Variants in NRG3 observed in about 807,000 individuals in gnomAD.
The protein encoded by NRG3 is pro-neuregulin-3, membrane-bound isoform.
A neutral mutation model predicts 66.9 loss-of-function variants in NRG3; 31 were observed. That is an observed-to-expected ratio of 0.46 (90% CI 0.35 to 0.63). NRG3 has a LOEUF of 0.63. NRG3 is among the 20% of genes least tolerant of loss of function. The pLI, the probability that NRG3 is intolerant of heterozygous loss-of-function variation, is 0.00. For missense variants in NRG3, 910 were observed against 878.9 expected (o/e 1.04, Z -0.45); for synonymous variants, 393 against 359.4 (o/e 1.09, Z -1.06).
At chr10:82,734,503 C>T (rs576135103) in intron 2 of NRG3, among the ~76,000 whole-genome samples, 2 of 152,176 alleles carry the variant, frequency 1.3e-5, no homozygotes, top group South Asian at 4.2e-4. Context: ...TGAGGCTTAT[C>T]AACCTGATAC....
intron 1 of NRG3, among the ~76,000 whole-genome samples, chr10:82,073,975 ACAAT>A (rs1052490085): frequency 2.0e-5 from 3 of 152,170 alleles, no homozygotes; most frequent in Non-Finnish European, 2.9e-5. Context: ...GCAAAACCAG[ACAAT>A]CAATAAGTAA....
chr10:82,180,422 C>T (rs1757192302), intron 1 of NRG3, among the ~76,000 whole-genome samples: 1 of 151,536 alleles, frequency 6.6e-6, no homozygotes. Flanking sequence ...TCCTTCTATT[C>T]CTAGTTTGTT....
chr10:82,916,404 C>T (rs746976766), intron 4 of NRG3, among the ~76,000 whole-genome samples: 3 of 152,072 alleles, frequency 2.0e-5, no homozygotes, highest in African/African-American at 4.8e-5. Context: ...GTGAGCCATA[C>T]TTTCATTACT....
chr10:82,113,727 C>T (rs547041359), intron 1 of NRG3, among the ~76,000 whole-genome samples: 2 of 152,142 alleles, frequency 1.3e-5, no homozygotes, highest in African/African-American at 4.8e-5. Context: ...GATAATTGCA[C>T]TAGGTAAGAT....
intron 1 of NRG3, among the ~76,000 whole-genome samples, chr10:82,152,405 C>T (rs2070823040): frequency 6.6e-6 from 1 of 152,140 alleles, no homozygotes; most frequent in Non-Finnish European, 1.5e-5. Context: ...GCCTTTGTAT[C>T]TCGAGGACCA....
rs113793133 is a variant in NRG3 at position 82,428,378 on chromosome 10, G to A, written c.953+69510G>A. On this transcript the variant is annotated intron_variant, in intron 2 of 8. Transcript: ENST00000372141. The stretch of plus-strand genomic sequence containing the variant: ...AGCTGAATTTCATAATTGTTGGTAC[G>A]TTGTTTTTTCTGTTAATTGATCTGA... Among the ~76,000 whole-genome samples the A allele has an allele frequency of 3.9e-3, 385 of 99,822 alleles. 3 individuals carry two copies. In the South Asian group the frequency reaches 0.04, roughly 10 times the overall value. 65.5% of individuals were successfully genotyped at this position (99,822 alleles called of 152,430 possible). A position where few individuals can be genotyped will look rare whatever the true frequency, so the allele number is the denominator to read the frequency against.
At chr10:82,144,798 C>T (rs2070122902) in intron 1 of NRG3, among the ~76,000 whole-genome samples, 1 of 152,142 alleles carries the variant, frequency 6.6e-6, no homozygotes, top group Non-Finnish European at 1.5e-5. Context: ...TCTGTTTCCT[C>T]CTGTATAAAA....
At chr10:82,202,471 T>TA (rs2074888564) in intron 1 of NRG3, among the ~76,000 whole-genome samples, 1 of 152,168 alleles carries the variant, frequency 6.6e-6, no homozygotes, top group African/African-American at 2.4e-5. Context: ...CGTTGCCACT[T>TA]TTGAGAGAAT....
intron 1 of NRG3, among the ~76,000 whole-genome samples, chr10:81,886,448 C>T (rs1249402102): frequency 6.6e-6 from 1 of 152,142 alleles, no homozygotes; most frequent in Non-Finnish European, 1.5e-5. Context: ...AAAAGTGCTT[C>T]TTCTACTTGA....
intron 1 of NRG3, among the ~76,000 whole-genome samples, chr10:82,033,758 T>C (rs1201230157): frequency 6.6e-6 from 1 of 152,102 alleles, no homozygotes; most frequent in Non-Finnish European, 1.5e-5. Flanking sequence ...ACTCTGAGCA[T>C]TGCACAGCTC....
At chr10:82,271,351 A>C (rs1431475298) in intron 1 of NRG3, among the ~76,000 whole-genome samples, 2 of 152,078 alleles carry the variant, frequency 1.3e-5, no homozygotes, top group Non-Finnish European at 2.9e-5. Context: ...CTTCAACACT[A>C]TTATCTTAAA....
intron 1 of NRG3, among the ~76,000 whole-genome samples, chr10:81,967,762 A>G (rs1002237891): frequency 6.6e-6 from 1 of 152,108 alleles, no homozygotes; most frequent in Non-Finnish European, 1.5e-5. Flanking sequence ...TGTTGTTTAA[A>G]TGGAATAGCT....
intron 2 of NRG3, among the ~76,000 whole-genome samples, chr10:82,434,482 T>C (rs889719333): frequency 2.6e-5 from 4 of 152,156 alleles, no homozygotes; most frequent in Admixed American, 6.5e-5. Context: ...CTTCCAATAC[T>C]ATGTTGAATA....
chr10:82,553,148 C>T (rs367898507), intron 2 of NRG3, among the ~76,000 whole-genome samples: 7 of 152,036 alleles, frequency 4.6e-5, no homozygotes, highest in East Asian at 1.9e-4. Context: ...AGTCAGGAAC[C>T]TTTCTAAAAT....
intron 3 of NRG3, among the ~76,000 whole-genome samples, chr10:82,828,377 TCTTAA>T (rs2062347166): frequency 6.6e-6 from 1 of 152,062 alleles, no homozygotes; most frequent in African/African-American, 2.4e-5. Context: ...GCAAGAAGCA[TCTTAA>T]CTGGAGGCCC....
chr10:82,380,043 C>G (rs2085509427), intron 2 of NRG3, among the ~76,000 whole-genome samples: 1 of 151,850 alleles, frequency 6.6e-6, no homozygotes, highest in East Asian at 1.9e-4. Context: ...GTTTTGTTGC[C>G]ATTCCTCAAT....
chr10:82,084,665 T>C (rs184962126), intron 1 of NRG3, among the ~76,000 whole-genome samples: 7 of 152,300 alleles, frequency 4.6e-5, no homozygotes, highest in Admixed American at 3.3e-4. Flanking sequence ...TGTGAACATT[T>C]TGAAATACTG....
At chr10:81,999,525 G>A (rs2061082620) in intron 1 of NRG3, among the ~76,000 whole-genome samples, 1 of 152,142 alleles carries the variant, frequency 6.6e-6, no homozygotes, top group Admixed American at 6.6e-5. Context: ...TTCTCTAGGA[G>A]AGGTCAGGTC....
chr10:81,961,700 C>T (rs1478007569), intron 1 of NRG3, among the ~76,000 whole-genome samples: 2 of 152,236 alleles, frequency 1.3e-5, no homozygotes, highest in African/African-American at 4.8e-5. Context: ...TTTTGGCCAG[C>T]TGTTCTTTGT....
Sources: allele counts gnomAD v4.1 joint callset (sites outside exome capture counted in the v4.1 genomes callset), GRCh38; gene constraint gnomAD v4.1.1; transcripts MANE v1.5; gene names NCBI Gene and HGNC (gene_info 2026-07-23, HGNC 2026-07-21).